The following RREB1 variants were observed in gnomAD, a reference collection of about 807,000 sequenced individuals.
The protein encoded by RREB1 is ras responsive element binding protein 1.
Under a neutral mutation model 117.8 loss-of-function variants are expected in RREB1, and 27 were observed. The ratio of observed to expected loss-of-function variants is 0.23; its 90% CI spans 0.17 to 0.32. The LOEUF is 0.32. Among genes scored for constraint, RREB1 ranks in the 10% least tolerant of loss-of-function variants. The pLI, the probability that RREB1 is intolerant of heterozygous loss-of-function variation, is 1.00. For synonymous variants in RREB1, 1,298 were observed against 1,026.7 expected (o/e 1.26, Z -5.05); for missense variants, 2,577 against 2,378.2 (o/e 1.08, Z -1.74).
intron 6 of RREB1, among the ~76,000 whole-genome samples, chr6:7,193,374 TC>T (rs1258644222): frequency 1.3e-5 from 2 of 152,230 alleles, no homozygotes; most frequent in African/African-American, 4.8e-5. Context: ...GTTCAAGTCT[TC>T]CATTTCCTTA....
chr6:7,180,113 A>G (rs543045144), intron 2 of RREB1, among the ~76,000 whole-genome samples: 28 of 152,324 alleles, frequency 1.8e-4, no homozygotes, highest in Non-Finnish European at 4.0e-4. Flanking sequence ...CTCAAATTGT[A>G]TGTTTCTGCG....
chr6:7,207,763 G>GA (rs1258241982), intron 6 of RREB1, among the ~76,000 whole-genome samples: 1 of 152,174 alleles, frequency 6.6e-6, no homozygotes, highest in Non-Finnish European at 1.5e-5. Context: ...GTTCACTTTT[G>GA]AAAAGAGAAC....
Position 7,173,918 on chromosome 6 carries a change from T to C in RREB1, c.-284-2737T>C, listed in dbSNP as rs137918853. On this transcript the variant is annotated intron_variant, in intron 1 of 12. Coordinates refer to ENST00000379938, the MANE Select transcript of RREB1 (RefSeq NM_001003699.4). Reference sequence around the variant, plus strand: ...GGAGACCTGCCCCTTAATCTTCTGTTTCTGGCTTTACATAGCATTGTCCCG... The same window carrying C: ...GGAGACCTGCCCCTTAATCTTCTGTCTCTGGCTTTACATAGCATTGTCCCG... Among the ~76,000 whole-genome samples the C allele has an allele frequency of 8.9e-4, 136 of 152,356 alleles. 1 individual carries two copies. Among genetic ancestry groups the C allele is most frequent in the African/African-American group, 3.1e-3 (127 of 41,592 alleles).
intron 11 of RREB1, among the ~76,000 whole-genome samples, chr6:7,244,365 G>A (rs1038784916): frequency 2.0e-5 from 3 of 152,014 alleles, no homozygotes; most frequent in Admixed American, 6.5e-5. Context: ...TTGAGCCCAG[G>A]AGTTCGAGAC....
chr6:7,145,527 C>T (rs1208415335), intron 1 of RREB1, among the ~76,000 whole-genome samples: 4 of 151,978 alleles, frequency 2.6e-5, no homozygotes, highest in East Asian at 3.8e-4. Flanking sequence ...TAATGTCAAC[C>T]GAAGAAGAAG....
intron 1 of RREB1, among the ~76,000 whole-genome samples, chr6:7,131,316 T>C (rs1203222373): frequency 6.6e-6 from 1 of 152,192 alleles, no homozygotes; most frequent in Non-Finnish European, 1.5e-5. Flanking sequence ...CTCACAACAG[T>C]CCTATTAAAT....
At chr6:7,126,871 A>G (rs1204542148) in intron 1 of RREB1, among the ~76,000 whole-genome samples, 1 of 152,188 alleles carries the variant, frequency 6.6e-6, no homozygotes, top group African/African-American at 2.4e-5. Context: ...TCCCTGCCCT[A>G]AAACTCGTCA....
chr6:7,183,889 G>A (rs1764933295), intron 4 of RREB1: 1 of 152,304 alleles, frequency 6.6e-6, no homozygotes, highest in South Asian at 2.1e-4. Flanking sequence ...AGTCCCATTG[G>A]TGTGAGCTTA....
At chr6:7,153,034 G>A (rs751067509) in intron 1 of RREB1, among the ~76,000 whole-genome samples, 10 of 150,974 alleles carry the variant, frequency 6.6e-5, no homozygotes, top group Non-Finnish European at 1.5e-4. Flanking sequence ...TGTTAATTGA[G>A]GTGTTCTGGA....
intron 1 of RREB1, chr6:7,140,801 G>C (rs983491992): frequency 6.6e-6 from 1 of 152,278 alleles, no homozygotes; most frequent in African/African-American, 2.4e-5. Context: ...ACTTGGTCCT[G>C]CTCGCAGGTG....
At position 7,251,494 on chromosome 6, in the gene RREB1, T is replaced by TGG. The variant is rs1769409131; in HGVS notation, c.*2526_*2527insGG. The stretch of plus-strand genomic sequence containing the variant: ...TTGAGGTGCAAGTTTTTTCTCTTTT[T>TGG]TTTTTTTTTTTTTTTTTCTCATTGA... On this transcript the variant is annotated 3_prime_UTR_variant, in exon 13 of 13. Transcript: ENST00000379938. 3.4e-5 allele frequency: 5 copies of TGG among 147,436 alleles called. No individual in the cohort carries two copies. The highest frequency in any genetic ancestry group is 2.5e-5 in the African/African-American group (1 of 40,370). The allele number at this position is 147,436 out of a possible 1,614,324, so 9.1% of individuals were successfully genotyped here.
intron 8 of RREB1, chr6:7,218,987 T>G (rs946918565): frequency 5.3e-5 from 8 of 150,146 alleles, no homozygotes; most frequent in African/African-American, 1.7e-4. Context: ...GTGGCTCATG[T>G]CTGTAATCTC....
At chr6:7,241,706 G>GC (rs1361388888) in intron 11 of RREB1, among the ~76,000 whole-genome samples, 1 of 152,128 alleles carries the variant, frequency 6.6e-6, no homozygotes, top group African/African-American at 2.4e-5. Flanking sequence ...GCCACCCTTT[G>GC]CCCATCTCTA....
chr6:7,247,246 G>A (rs751267280), intron 12 of RREB1, 25 bp downstream of exon 12: 18 of 1,592,714 alleles, frequency 1.1e-5, no homozygotes, highest in Admixed American at 1.7e-5. Flanking sequence ...CCAGGTCCCC[G>A]GCCCAACAAG....
intron 11 of RREB1, among the ~76,000 whole-genome samples, chr6:7,244,845 C>T (rs989652618): frequency 4.6e-5 from 7 of 152,210 alleles, no homozygotes; most frequent in Non-Finnish European, 7.3e-5. Flanking sequence ...AGAACCAGCT[C>T]CTTACCCCAG....
At chr6:7,202,260 C>T (rs1195545079) in intron 6 of RREB1, among the ~76,000 whole-genome samples, 1 of 152,212 alleles carries the variant, frequency 6.6e-6, no homozygotes, top group East Asian at 1.9e-4. Flanking sequence ...TCTTGTTCCT[C>T]TTTTGGAACT....
At chr6:7,114,261 A>G (rs1761279642) in intron 1 of RREB1, among the ~76,000 whole-genome samples, 1 of 152,190 alleles carries the variant, frequency 6.6e-6, no homozygotes, top group Non-Finnish European at 1.5e-5. Flanking sequence ...AGGTGGGACT[A>G]CAGGCACACA....
intron 6 of RREB1, among the ~76,000 whole-genome samples, chr6:7,194,825 C>T (rs893107241): frequency 2.0e-5 from 3 of 152,168 alleles, no homozygotes; most frequent in African/African-American, 7.2e-5. Context: ...GTTTCTGAGT[C>T]TGTATTGTTA....
At position 7,231,090 on chromosome 6, in the gene RREB1, G is replaced by C. The variant is rs116413515; in HGVS notation, c.2991G>C (p.Pro997=). 2.4e-5 allele frequency: 38 copies of C among 1,613,102 alleles called. 1 individual carries two copies. In the South Asian group the frequency reaches 4.2e-4, roughly 18 times the overall value. ...TGGAAAGCCCCATGGCCCCTGCTCC[G>C]GCGGCCACCCCGGAACCCCCAGCAC... The part of the protein sequence containing the change: ...GILESPMAPA[P]AATPEPPAQP... The change falls in exon 10 of 13, where the codon CCG becomes CCC. Residue 997 remains proline, a synonymous_variant. Transcript: ENST00000379938.
Sources: gnomAD v4.1 joint callset for allele counts (sites outside exome capture counted in the v4.1 genomes callset) on GRCh38, gnomAD v4.1.1 for gene constraint, MANE v1.5 for transcripts, NCBI Gene and HGNC (gene_info 2026-07-23, HGNC 2026-07-21) for gene names.